ZC3H14: variants seen among roughly 807,000 people sequenced by gnomAD.
ZC3H14 encodes the protein zinc finger CCCH-type containing 14, also known as zinc finger CCCH domain-containing protein 14.
ZC3H14 carries 31 observed loss-of-function variants against 92.4 expected under a neutral mutation model. The observed-to-expected ratio is 0.34, with a 90% confidence interval of 0.25 to 0.45. The LOEUF is 0.45. ZC3H14 is among the 20% of genes least tolerant of loss of function. The pLI is 1.00. For missense variants in ZC3H14, 781 were observed against 897.3 expected (o/e 0.87, Z 1.66); for synonymous variants, 321 against 300.9 (o/e 1.07, Z -0.69).
In ZC3H14 at chr14:88,622,101, T is replaced by C. The variant is rs983643590; in HGVS notation, c.*10350T>C. The C allele has an allele frequency of 2.4e-5, 6 of 249,832 alleles. No homozygotes were observed. The highest frequency in any genetic ancestry group is 1.3e-4 in the African/African-American group (6 of 45,322). The allele number at this position is 249,832 out of a possible 1,614,324, so 15.5% of individuals were successfully genotyped here. On this transcript the variant is annotated 3_prime_UTR_variant, in exon 17 of 17. Transcript: ENST00000251038. Reference sequence around the variant, plus strand: ...ACCTCTGTGGGATCAACTTTTTTAGTTTCTGCACAGGAGTGAGAACATGTA... The same window carrying C: ...ACCTCTGTGGGATCAACTTTTTTAGCTTCTGCACAGGAGTGAGAACATGTA...
chr14:88,626,567 T>C lies in ZC3H14; in HGVS notation c.*14816T>C. ...GGGAGATGGAGGCTACAGTGAGCTATAATCGCACCATTGCACCCCAGCCCA... is the reference window on the plus strand; with the variant it reads ...GGGAGATGGAGGCTACAGTGAGCTACAATCGCACCATTGCACCCCAGCCCA... On this transcript the variant is annotated 3_prime_UTR_variant, in exon 17 of 17. Transcript: ENST00000251038. 2.4e-6 allele frequency: 1 copy of C among 411,048 alleles called. No individual in the cohort carries two copies. Among genetic ancestry groups the C allele is most frequent in the South Asian group, 2.7e-5 (1 of 37,500 alleles). The allele number at this position is 411,048 out of a possible 1,614,324, so 25.5% of individuals were successfully genotyped here.
intron 9 of ZC3H14, among the ~76,000 whole-genome samples, chr14:88,587,311 A>G (rs1595662210): frequency 6.6e-6 from 1 of 151,828 alleles, no homozygotes; most frequent in South Asian, 2.1e-4. Flanking sequence ...CTACAGGCAC[A>G]CCCTGCCACA....
Position 88,616,913 on chromosome 14 carries a change from G to T in ZC3H14, c.*5162G>T, listed in dbSNP as rs767836169. The T allele has an allele frequency of 4.4e-6, 7 of 1,602,260 alleles. No individual in the cohort carries two copies. Among genetic ancestry groups the T allele is most frequent in the Non-Finnish European group, 5.1e-6 (6 of 1,173,070 alleles). On this transcript the variant is annotated 3_prime_UTR_variant, in exon 17 of 17. Coordinates refer to ENST00000251038, the MANE Select transcript of ZC3H14 (RefSeq NM_024824.5). ...AAGGAACAAAAGAAAACTCATCATG[G>T]CAAGTGCGGGCAGGTTGACTATATT...
At chr14:88,592,491 C>CTTTTTTTTTTTTTTTTTTTTTTTTTT (rs58255914) in intron 9 of ZC3H14, 1 of 65,976 alleles carries the variant, frequency 1.5e-5, no homozygotes, top group African/African-American at 5.8e-5. Flanking sequence ...ATAAGGATTC[C>CTTTTTTTTTTTTTTTTTTTTTTTTTT]TTTTTTTTTT....
In ZC3H14 at chr14:88,620,943, A is replaced by AG. The variant is rs2088798458; in HGVS notation, c.*9192_*9193insG. ...TAACATCTTCTGCATTTAAAAAAAAAAAAAAAAAGAGTCATAGGAAACATT... is the reference window on the plus strand; with the variant it reads ...TAACATCTTCTGCATTTAAAAAAAAAGAAAAAAAAGAGTCATAGGAAACATT... On this transcript the variant is annotated 3_prime_UTR_variant, in exon 17 of 17. Coordinates refer to ENST00000251038, the MANE Select transcript of ZC3H14 (RefSeq NM_024824.5). The surrounding 1 kb of genome is among the most constrained non-coding windows in gnomAD (Gnocchi z 4.3). 1.3e-6 allele frequency: 2 copies of AG among 1,491,512 alleles called. No individual in the cohort carries two copies. The highest frequency in any genetic ancestry group is 1.8e-6 in the Non-Finnish European group (2 of 1,125,958). The allele number at this position is 1,491,512 out of a possible 1,614,324, so 92.4% of individuals were successfully genotyped here.
chr14:88,626,194 G>C lies in ZC3H14; in HGVS notation c.*14443G>C, dbSNP rs1398051246. On this transcript the variant is annotated 3_prime_UTR_variant, in exon 17 of 17. Coordinates refer to ENST00000251038, the MANE Select transcript of ZC3H14 (RefSeq NM_024824.5). Reference sequence around the variant, plus strand: ...AAATCATTTGAAAATCATGTTTCTTGATTTACCTTTCTCTCTGACAAATTT... The same window carrying C: ...AAATCATTTGAAAATCATGTTTCTTCATTTACCTTTCTCTCTGACAAATTT... 1 of 152,212 alleles carries C rather than the reference G, an allele frequency of 6.6e-6. No individual in the cohort carries two copies. The highest frequency in any genetic ancestry group is 2.4e-5 in the African/African-American group (1 of 41,438). The allele number at this position is 152,212 out of a possible 1,614,324, so 9.4% of individuals were successfully genotyped here.
intron 11 of ZC3H14, among the ~76,000 whole-genome samples, chr14:88,602,326 A>G (rs2140063017): frequency 6.6e-6 from 1 of 152,332 alleles, no homozygotes; most frequent in South Asian, 2.1e-4. Context: ...TCTATTAAAG[A>G]TTCTTTTCTT....
intron 14 of ZC3H14, 61 bp downstream of exon 14, chr14:88,609,464 G>A (rs898454992): frequency 2.5e-6 from 4 of 1,608,486 alleles, no homozygotes; most frequent in East Asian, 2.2e-5. Flanking sequence ...TTTTGTGACT[G>A]TAAATGGAAT....
Position 88,575,926 on chromosome 14 carries a change from C to G in ZC3H14, c.1109C>G (p.Thr370Ser). The change falls in exon 8 of 17, where the codon ACT becomes AGT. Residue 370 changes from threonine to serine, a missense_variant. Around this residue, in one of 3 missense-constraint regions of ZC3H14, gnomAD observed 454 missense variants for 438.5 expected, o/e 1.04. Coordinates refer to ENST00000251038, the MANE Select transcript of ZC3H14 (RefSeq NM_024824.5). ...GCTCAAGAATCCGTAACAAAAACAA[C>G]TAACTACTCTACAGGTAATTTAAAT... is the stretch of plus-strand genomic sequence containing the variant. ...SEAQESVTKTTNYSTVPQKQT... is the reference protein window; with the variant it reads ...SEAQESVTKTSNYSTVPQKQT... 6.2e-7 allele frequency: 1 copy of G among 1,609,840 alleles called. No individual in the cohort carries two copies. Among genetic ancestry groups the G allele is most frequent in the Non-Finnish European group, 8.5e-7 (1 of 1,176,310 alleles).
chr14:88,576,005 A>G (rs1328152319), intron 8 of ZC3H14, 65 bp downstream of exon 8: 20 of 1,348,456 alleles, frequency 1.5e-5, no homozygotes, highest in Non-Finnish European at 2.0e-5. Context: ...TAAGGTGAAA[A>G]TGATTGCTCC....
intron 9 of ZC3H14, among the ~76,000 whole-genome samples, chr14:88,583,444 A>G (rs1174572055): frequency 6.6e-6 from 1 of 151,944 alleles, no homozygotes; most frequent in East Asian, 1.9e-4. Flanking sequence ...TTATCCTTCC[A>G]TATTTTAAAA....
At position 88,574,802 on chromosome 14, in the gene ZC3H14, G is replaced by A. The variant is rs1555398661; in HGVS notation, c.971G>A (p.Arg324Gln). 2.5e-6 allele frequency: 4 copies of A among 1,614,016 alleles called. No homozygotes were observed. Among genetic ancestry groups the A allele is most frequent in the East Asian group, 2.2e-5 (1 of 44,890 alleles). Residue 324 changes from arginine to glutamine, a missense_variant, in exon 7 of 17, where the codon CGA (arginine) becomes CAA (glutamine). This residue lies in a region of ZC3H14 where 454 missense variants were observed against 438.5 expected (regional missense o/e 1.04). Transcript: ENST00000251038. ...GAAGAAGATGATGATTACGGGTCTC[G>A]AACAGGAAGCATCTCCAGCAGTGTG... The part of the protein sequence containing the change: ...EEEEDDDYGS[R>Q]TGSISSSVSV...
rs772463578 is a variant in ZC3H14, at chr14:88,607,365, T to A, written c.1868+2T>A. ...CCATCACCCCATCTCACCCTGCAAG[T>A]GAGTACCATCCCCCCATCTCACCCT... On this transcript the variant is annotated splice_donor_variant, in intron 13 of 16. Transcript: ENST00000251038. LOFTEE classifies it high-confidence loss of function. 6.2e-7 allele frequency: 1 copy of A among 1,605,368 alleles called. No individual in the cohort carries two copies. The highest frequency in any genetic ancestry group is 1.7e-5 in the Admixed American group (1 of 59,480).
intron 6 of ZC3H14, chr14:88,574,344 C>G (rs556629633): frequency 1.3e-5 from 4 of 298,984 alleles, no homozygotes; most frequent in African/African-American, 8.9e-5. Flanking sequence ...CTCCCGGGTT[C>G]AAGTGAGTCT....
intron 9 of ZC3H14, chr14:88,592,271 A>T (rs1052817203): frequency 6.6e-5 from 10 of 152,044 alleles, no homozygotes; most frequent in African/African-American, 2.2e-4. Flanking sequence ...GTTACTATGG[A>T]TGTCATATGC....
In ZC3H14 at chr14:88,565,129, A is replaced by T. The variant is rs186719750; in HGVS notation, c.79+1436A>T. On this transcript the variant is annotated intron_variant, in intron 2 of 16. Transcript: ENST00000251038. The stretch of plus-strand genomic sequence containing the variant: ...TTTCTGATTAAATAAATGGTGATTT[A>T]AAAAAAATTTGTTATTATTATTATT... 4.6e-3 allele frequency among the ~76,000 whole-genome samples: 703 copies of T among 151,980 alleles called. 7 individuals are homozygous for T. Among genetic ancestry groups the T allele is most frequent in the African/African-American group, 0.016 (647 of 41,364 alleles).
rs534362930 is a variant in ZC3H14 at position 88,571,374 on chromosome 14, G to A, written c.235+250G>A. On this transcript the variant is annotated intron_variant, in intron 4 of 16. Transcript: ENST00000251038. The stretch of plus-strand genomic sequence containing the variant: ...AATTACATATATGTGCAAAGATTTA[G>A]CCTCAAGGATATTTCAGTATTTTAT... Among the ~76,000 whole-genome samples, 3 of 152,112 alleles carry A rather than the reference G, an allele frequency of 2.0e-5. No homozygotes were observed. The South Asian group carries it at 6.2e-4, about 32-fold the overall frequency.
Position 88,616,079 on chromosome 14 carries a change from GTTGTA to G in ZC3H14, c.*4331_*4335del, listed in dbSNP as rs150082230. On this transcript the variant is annotated 3_prime_UTR_variant, in exon 17 of 17. Coordinates refer to ENST00000251038, the MANE Select transcript of ZC3H14 (RefSeq NM_024824.5). The stretch of plus-strand genomic sequence containing the variant: ...TTCATAAACCAAAGCTGTAGGAGTT[GTTGTA>G]TTAAGTCTCTTAACTAGTAACATAG... 1.8e-4 allele frequency: 281 copies of G among 1,536,684 alleles called. 2 individuals carry two copies. The East Asian group carries it at 6.2e-3, about 34-fold the overall frequency.
chr14:88,620,878 A>G lies in ZC3H14; in HGVS notation c.*9127A>G, dbSNP rs2088772621. On this transcript the variant is annotated 3_prime_UTR_variant, in exon 17 of 17. Coordinates refer to ENST00000251038, the MANE Select transcript of ZC3H14 (RefSeq NM_024824.5). The surrounding 1 kb of genome is among the most constrained non-coding windows in gnomAD (Gnocchi z 4.3). ...GCCACCATGTCCCCTTCAGGGCTGT[A>G]ACACACAGTACGAGCAGCATGTCCC... 1 of 1,573,980 alleles carries G rather than the reference A, an allele frequency of 6.4e-7. No individual in the cohort carries two copies. Among genetic ancestry groups the G allele is most frequent in the Non-Finnish European group, 8.6e-7 (1 of 1,159,444 alleles).
Sources: gnomAD v4.1 joint callset for allele counts (sites outside exome capture counted in the v4.1 genomes callset) on GRCh38, gnomAD v4.1.1 for gene constraint, gnomAD v4.1.1 regional missense constraint, Gnocchi (gnomAD v3.1) non-coding constraint, MANE v1.5 for transcripts, NCBI Gene and HGNC (gene_info 2026-07-23, HGNC 2026-07-21) for gene names.